The following COL14A1 variants were observed in gnomAD, a reference collection of about 807,000 sequenced individuals.
COL14A1 encodes collagen type XIV alpha 1 chain, also known as collagen alpha-1(XIV) chain.
COL14A1 carries 136 observed loss-of-function variants against 230.3 expected under a neutral mutation model. The observed-to-expected ratio is 0.59, with a 90% CI of 0.51 to 0.68. COL14A1 has a LOEUF of 0.68. Among genes scored for constraint, COL14A1 ranks in the 30% least tolerant of loss-of-function variants. The pLI is 0.00. For missense variants in COL14A1, 1,976 were observed against 2,215.8 expected (o/e 0.89, Z 2.17); for synonymous variants, 792 against 784.1 (o/e 1.01, Z -0.17).
At chr8:120,144,858 G>C (rs576229980) in intron 1 of COL14A1, among the ~76,000 whole-genome samples, 1 of 151,900 alleles carries the variant, frequency 6.6e-6, no homozygotes, top group Non-Finnish European at 1.5e-5. Context: ...AAGTTAACTA[G>C]AAATATACTT....
chr8:120,255,143 G>T, intron 22 of COL14A1, 97 bp from the exon 23 acceptor site: 1 of 879,318 alleles, frequency 1.1e-6, no homozygotes, highest in Non-Finnish European at 1.9e-6. Context: ...TGACTATGCA[G>T]CTTTGAATGA....
At chr8:120,258,206 T>G (rs1001614840) in intron 23 of COL14A1, among the ~76,000 whole-genome samples, 2 of 152,222 alleles carry the variant, frequency 1.3e-5, no homozygotes, top group African/African-American at 4.8e-5. Flanking sequence ...TTCCTAGAGA[T>G]AAAGTCTTGC....
At chr8:120,307,139 A>C (rs953150972) in intron 36 of COL14A1, among the ~76,000 whole-genome samples, 7 of 152,224 alleles carry the variant, frequency 4.6e-5, no homozygotes, top group Non-Finnish European at 1.0e-4. Context: ...CAAATTGGCC[A>C]AAACTGCTTA....
At chr8:120,189,404 G>A (rs1189455534) in intron 5 of COL14A1, among the ~76,000 whole-genome samples, 1 of 151,916 alleles carries the variant, frequency 6.6e-6, no homozygotes, top group African/African-American at 2.4e-5. Context: ...CAAAACCAAT[G>A]ATGGATTTTG....
chr8:120,149,595 T>A lies in COL14A1; in HGVS notation c.88+1665T>A, dbSNP rs1331097619. Among the ~76,000 whole-genome samples, 5 of 152,248 alleles carry A rather than the reference T, an allele frequency of 3.3e-5. No homozygotes were observed. The East Asian group carries it at 9.6e-4, about 29-fold the overall frequency. On this transcript the variant is annotated intron_variant, in intron 2 of 47. Coordinates refer to ENST00000297848, the MANE Select transcript of COL14A1 (RefSeq NM_021110.4). ...TCTAGCATAATTCAGAAGTGGTAAT[T>A]TGTGGAATAACTGATCATATATAGC...
intron 30 of COL14A1, 24 bp from the exon 31 acceptor site, chr8:120,280,897 T>A: frequency 6.6e-7 from 1 of 1,515,106 alleles, no homozygotes. Flanking sequence ...GTTTATTCTT[T>A]TTCTACTTTT....
chr8:120,195,895 G>A (rs1817020403), intron 5 of COL14A1, among the ~76,000 whole-genome samples: 1 of 152,126 alleles, frequency 6.6e-6, no homozygotes, highest in Non-Finnish European at 1.5e-5. Flanking sequence ...TGAAACACTT[G>A]GAGAATATTC....
intron 26 of COL14A1, among the ~76,000 whole-genome samples, chr8:120,272,851 C>T (rs573948507): frequency 2.0e-5 from 3 of 151,802 alleles, no homozygotes; most frequent in Admixed American, 6.6e-5. Context: ...TAGTGGGGAA[C>T]TTTAACACTC....
At chr8:120,257,591 T>G (rs1292252934) in intron 23 of COL14A1, among the ~76,000 whole-genome samples, 4 of 152,214 alleles carry the variant, frequency 2.6e-5, no homozygotes, top group Non-Finnish European at 5.9e-5. Flanking sequence ...TTCACCATTC[T>G]GATTCACTGA....
intron 5 of COL14A1, among the ~76,000 whole-genome samples, chr8:120,193,964 TG>T (rs1816933894): frequency 2.6e-5 from 4 of 152,152 alleles, no homozygotes; most frequent in Admixed American, 2.6e-4. Context: ...CCCCTTTCTT[TG>T]ACTAGGAAAG....
At chr8:120,254,563 A>G (rs1353178469) in intron 22 of COL14A1, among the ~76,000 whole-genome samples, 1 of 152,144 alleles carries the variant, frequency 6.6e-6, no homozygotes, top group Non-Finnish European at 1.5e-5. Context: ...TACAAGTATT[A>G]CATATTTATT....
chr8:120,218,111 A>G (rs1290949034), intron 14 of COL14A1, among the ~76,000 whole-genome samples: 3 of 139,998 alleles, frequency 2.1e-5, no homozygotes, highest in Non-Finnish European at 4.6e-5. Flanking sequence ...TAAATATATA[A>G]GTATATATCT....
intron 24 of COL14A1, among the ~76,000 whole-genome samples, chr8:120,265,130 A>G (rs930491106): frequency 6.6e-6 from 1 of 152,124 alleles, no homozygotes; most frequent in African/African-American, 2.4e-5. Flanking sequence ...TGCCACATAT[A>G]GAATATAAAC....
intron 19 of COL14A1, among the ~76,000 whole-genome samples, chr8:120,236,520 G>A (rs201686699): frequency 1.6e-4 from 24 of 151,576 alleles, no homozygotes; most frequent in African/African-American, 4.4e-4. Flanking sequence ...GTCTTTGCAC[G>A]TGAGATGGGT....
At chr8:120,166,084 T>C (rs538290553) in intron 4 of COL14A1, among the ~76,000 whole-genome samples, 24 of 152,246 alleles carry the variant, frequency 1.6e-4, no homozygotes, top group Admixed American at 9.2e-4. Flanking sequence ...TGTGCAGCTC[T>C]CCCATAGAGA....
At chr8:120,263,189 T>G (rs181742241) in intron 24 of COL14A1, among the ~76,000 whole-genome samples, 175 bp downstream of exon 24, 57 of 152,196 alleles carry the variant, frequency 3.7e-4, no homozygotes, top group African/African-American at 1.3e-3. Flanking sequence ...GGCCCACTGA[T>G]GTCATCAATA....
intron 34 of COL14A1, among the ~76,000 whole-genome samples, chr8:120,293,419 A>G (rs1236238726): frequency 6.6e-6 from 1 of 151,958 alleles, no homozygotes; most frequent in Non-Finnish European, 1.5e-5. Context: ...TAAAATTATA[A>G]TGATAGCTAA....
rs747254963 is a variant in COL14A1, at chr8:120,243,842, T to G, written c.2350-37T>G. The G allele has an allele frequency of 5.6e-6, 9 of 1,604,908 alleles. No individual in the cohort carries two copies. In the East Asian group the frequency reaches 2.0e-4, roughly 36 times the overall value. ...CCATTACCAAATCAGTGGAAACGGG[T>G]CTCACTAAGACTGCAGTCCTTTGCT... On this transcript the variant is annotated intron_variant, in intron 19 of 47. Coordinates refer to ENST00000297848, the MANE Select transcript of COL14A1 (RefSeq NM_021110.4).
chr8:120,193,732 C>T (rs1263625566), intron 5 of COL14A1, among the ~76,000 whole-genome samples: 1 of 152,180 alleles, frequency 6.6e-6, no homozygotes, highest in African/African-American at 2.4e-5. Flanking sequence ...GGTTTGGTTA[C>T]CTAAGCAAGC....
Sources: allele counts gnomAD v4.1 joint callset (sites outside exome capture counted in the v4.1 genomes callset), GRCh38; gene constraint gnomAD v4.1.1; transcripts MANE v1.5; gene names NCBI Gene and HGNC (gene_info 2026-07-23, HGNC 2026-07-21).